The following AFG1L variants were observed in gnomAD, a reference collection of about 807,000 sequenced individuals.
The protein encoded by AFG1L is AFG1 like ATPase.
A neutral mutation model predicts 62.2 loss-of-function variants in AFG1L; 53 were observed. The ratio of observed to expected loss-of-function variants is 0.85; its 90% CI spans 0.68 to 1.07. The LOEUF is 1.07. Among genes scored for constraint, AFG1L ranks in the 50% least tolerant of loss-of-function variants. The pLI is 0.00. For missense variants in AFG1L, 555 were observed against 590.5 expected (o/e 0.94, Z 0.62); for synonymous variants, 228 against 210.3 (o/e 1.08, Z -0.73).
In AFG1L at chr6:108,402,036, A is replaced by G. The variant is rs1781643859; in HGVS notation, c.789A>G (p.Pro263=). The change falls in exon 7 of 13, where the codon CCA becomes CCG. Residue 263 remains proline (P), a synonymous_variant. Coordinates refer to ENST00000368977, the MANE Select transcript of AFG1L (RefSeq NM_145315.5). The part of the protein sequence containing the change: ...KNGLQRANFV[P]FIAVLKEYCN... ...GACTCCAAAGAGCTAACTTTGTACC[A>G]TTCATAGCAGTCTTGAAGGTAAAAA... 8 of 1,514,088 alleles carry G rather than the reference A, an allele frequency of 5.3e-6. No homozygotes were observed. In the African/African-American group the frequency reaches 1.1e-4, roughly 22 times the overall value. The allele number at this position is 1,514,088 out of a possible 1,614,324, so 93.8% of individuals were successfully genotyped here.
rs1772597188 is a variant in AFG1L at position 108,464,693 on chromosome 6, A to G, written c.891-12172A>G. ...TGAAATGGATGGGTTTTATCAGGGC[A>G]TTGCACAACAAAAGAAAAAAGAGCC... On this transcript the variant is annotated intron_variant, in intron 8 of 12. Transcript: ENST00000368977. Among the ~76,000 whole-genome samples, 2 of 152,184 alleles carry G rather than the reference A, an allele frequency of 1.3e-5. 1 individual carries two copies. Among genetic ancestry groups the G allele is most frequent in the African/African-American group, 4.8e-5 (2 of 41,456 alleles).
At chr6:108,361,957 C>T (rs1227902664) in intron 5 of AFG1L, among the ~76,000 whole-genome samples, 1 of 152,090 alleles carries the variant, frequency 6.6e-6, no homozygotes, top group Non-Finnish European at 1.5e-5. Context: ...AGGCATGAAT[C>T]TTTATTAATT....
intron 7 of AFG1L, among the ~76,000 whole-genome samples, chr6:108,434,525 A>G (rs1000214745): frequency 4.6e-5 from 7 of 151,878 alleles, no homozygotes; most frequent in African/African-American, 1.5e-4. Context: ...TCCTTACTCT[A>G]TTGCTTTTCT....
At chr6:108,489,615 C>A (rs536722459) in intron 10 of AFG1L, among the ~76,000 whole-genome samples, 1 of 152,234 alleles carries the variant, frequency 6.6e-6, no homozygotes, top group East Asian at 1.9e-4. Flanking sequence ...GGGCATGAAC[C>A]AGGTATACTT....
intron 6 of AFG1L, among the ~76,000 whole-genome samples, chr6:108,378,293 A>G (rs58876082): frequency 0.019 from 2,855 of 151,864 alleles, 98 homozygotes; most frequent in African/African-American, 0.065. Flanking sequence ...CTTGCAAGCC[A>G]TGCTTTGAAG....
chr6:108,333,909 T>G (rs572255974), intron 2 of AFG1L, among the ~76,000 whole-genome samples: 4 of 152,304 alleles, frequency 2.6e-5, no homozygotes, highest in African/African-American at 9.6e-5. Context: ...AACGAGGTGT[T>G]CCATATAGTC....
In AFG1L at chr6:108,502,900, G is replaced by T. The variant is rs551102366; in HGVS notation, c.1063-7312G>T. ...TATGTAATAGTCTAAATCCTTTGTTGTCATTTCAACAGTGTTCACACCATC... is the reference window on the plus strand; with the variant it reads ...TATGTAATAGTCTAAATCCTTTGTTTTCATTTCAACAGTGTTCACACCATC... On this transcript the variant is annotated intron_variant, in intron 10 of 12. Transcript: ENST00000368977. Among the ~76,000 whole-genome samples, 10 of 152,308 alleles carry T rather than the reference G, an allele frequency of 6.6e-5. No individual in the cohort carries two copies. In the East Asian group the frequency reaches 1.3e-3, roughly 21 times the overall value.
chr6:108,343,586 G>C (rs1205446985), intron 2 of AFG1L, among the ~76,000 whole-genome samples: 1 of 152,182 alleles, frequency 6.6e-6, no homozygotes, highest in African/African-American at 2.4e-5. Context: ...CACATACATA[G>C]AATATACTTA....
chr6:108,419,652 G>A (rs1489031589), intron 7 of AFG1L, among the ~76,000 whole-genome samples: 1 of 151,982 alleles, frequency 6.6e-6, no homozygotes, highest in Middle Eastern at 3.2e-3. Flanking sequence ...TGCTACTTTT[G>A]TAATTTGTTT....
chr6:108,402,111 G>C, intron 7 of AFG1L, 57 bp downstream of exon 7: 2 of 825,328 alleles, frequency 2.4e-6, no homozygotes, highest in South Asian at 2.1e-5. Context: ...ATAATCAAGG[G>C]CTTTAGTAGG....
intron 1 of AFG1L, among the ~76,000 whole-genome samples, chr6:108,312,680 G>A (rs945530426): frequency 9.2e-5 from 14 of 152,156 alleles, no homozygotes; most frequent in Non-Finnish European, 1.8e-4. Context: ...CCCTAGCTAT[G>A]TGGAAACAGT....
chr6:108,478,679 T>C (rs912991196), intron 10 of AFG1L, among the ~76,000 whole-genome samples: 3 of 152,268 alleles, frequency 2.0e-5, no homozygotes, highest in Admixed American at 6.5e-5. Flanking sequence ...AAGAATCTTG[T>C]ATATCCAAAA....
rs74519324 is a variant in AFG1L, at chr6:108,499,790, A to G, written c.1063-10422A>G. Among the ~76,000 whole-genome samples, 1,171 of 152,144 alleles carry G rather than the reference A, an allele frequency of 7.7e-3. 25 individuals carry two copies. The highest frequency in any genetic ancestry group is 0.027 in the African/African-American group (1,101 of 41,480). On this transcript the variant is annotated intron_variant, in intron 10 of 12. Transcript: ENST00000368977. ...CCAAAAAAACCTGAAGAAAATTTGAAGAGGAATTTTTTTAAAAAAATAATA... is the reference window on the plus strand; with the variant it reads ...CCAAAAAAACCTGAAGAAAATTTGAGGAGGAATTTTTTTAAAAAAATAATA...
intron 10 of AFG1L, among the ~76,000 whole-genome samples, chr6:108,478,293 C>T (rs557500613): frequency 2.0e-5 from 3 of 152,266 alleles, no homozygotes; most frequent in Non-Finnish European, 2.9e-5. Flanking sequence ...AAAAATTAGC[C>T]GGGCGTTGTG....
intron 1 of AFG1L, among the ~76,000 whole-genome samples, chr6:108,316,156 C>T (rs895734624): frequency 1.3e-5 from 2 of 151,334 alleles, no homozygotes; most frequent in Non-Finnish European, 2.9e-5. Flanking sequence ...CCGAGGCGGG[C>T]GGATCACGAG....
intron 8 of AFG1L, among the ~76,000 whole-genome samples, chr6:108,464,526 C>G (rs115544355): frequency 6.6e-6 from 1 of 152,076 alleles, no homozygotes; most frequent in Admixed American, 6.6e-5. Flanking sequence ...CTGTAGGAGT[C>G]GATGCCAAAT....
At chr6:108,485,018 A>G (rs1773485524) in intron 10 of AFG1L, among the ~76,000 whole-genome samples, 3 of 152,240 alleles carry the variant, frequency 2.0e-5, no homozygotes, top group Non-Finnish European at 4.4e-5. Flanking sequence ...GCCTCTTAGA[A>G]TAATTGTGAA....
intron 5 of AFG1L, among the ~76,000 whole-genome samples, chr6:108,365,470 T>C (rs1779717016): frequency 6.7e-6 from 1 of 150,090 alleles, no homozygotes; most frequent in South Asian, 2.1e-4. Flanking sequence ...ATATTAGCCA[T>C]TCTTGAAAGG....
intron 7 of AFG1L, among the ~76,000 whole-genome samples, chr6:108,417,958 C>T (rs927760990): frequency 2.2e-4 from 34 of 152,168 alleles, no homozygotes; most frequent in African/African-American, 7.9e-4. Flanking sequence ...CTCAGCCTCC[C>T]GGGTAGCTGG....
Sources: gnomAD v4.1 joint callset for allele counts (sites outside exome capture counted in the v4.1 genomes callset) on GRCh38, gnomAD v4.1.1 for gene constraint, MANE v1.5 for transcripts, NCBI Gene and HGNC (gene_info 2026-07-23, HGNC 2026-07-21) for gene names.